PCDHGA4: variants seen among roughly 807,000 people sequenced by gnomAD.
PCDHGA4 encodes the protein protocadherin gamma-A4.
A neutral mutation model predicts 54.6 loss-of-function variants in PCDHGA4; 38 were observed. That is an observed-to-expected ratio of 0.70 (90% confidence interval 0.54 to 0.91). PCDHGA4 has a LOEUF of 0.91. PCDHGA4 is among the 40% of genes least tolerant of loss of function. The pLI, the probability that PCDHGA4 is intolerant of heterozygous loss-of-function variation, is 0.00. For missense variants in PCDHGA4, 1,298 were observed against 1,220.9 expected (o/e 1.06, Z -0.94); for synonymous variants, 511 against 512.9 (o/e 1.00, Z 0.05).
intron 1 of PCDHGA4, among the ~76,000 whole-genome samples, chr5:141,460,418 G>C (rs905215023): frequency 3.3e-5 from 5 of 152,096 alleles, no homozygotes; most frequent in Admixed American, 6.5e-5. Flanking sequence ...TGATGTTTAT[G>C]TATGGTGTAT....
intron 1 of PCDHGA4, chr5:141,372,537 C>T: frequency 1.2e-6 from 2 of 1,614,046 alleles, no homozygotes; most frequent in Non-Finnish European, 1.7e-6. Flanking sequence ...CTCCCTGCGC[C>T]TGCGATGCTC....
At chr5:141,370,718 G>T in intron 1 of PCDHGA4, 1 of 1,613,818 alleles carries the variant, frequency 6.2e-7, no homozygotes, top group Non-Finnish European at 8.5e-7. Flanking sequence ...AATTTGAAAT[G>T]GTTGCTGAAA....
At chr5:141,482,089 CAA>C (rs36035257) in intron 1 of PCDHGA4, among the ~76,000 whole-genome samples, 9,071 of 134,384 alleles carry the variant, frequency 0.068, 318 homozygotes, top group South Asian at 0.13. Context: ...CACTCCATCT[CAA>C]AAAAAAAAAA....
At position 141,422,526 on chromosome 5, in the gene PCDHGA4, G is replaced by A. The variant is rs956066609; in HGVS notation, c.2514+64905G>A. 9 of 1,613,866 alleles carry A rather than the reference G, an allele frequency of 5.6e-6. No homozygotes were observed. In the African/African-American group the frequency reaches 1.1e-4, roughly 19 times the overall value. The stretch of plus-strand genomic sequence containing the variant: ...CCACAGACCAGGGAAGCCCGCCTTT[G>A]TCTGCAGAAACTCATGTCTGGCTGA... On this transcript the variant is annotated intron_variant, in intron 1 of 3. Coordinates refer to ENST00000571252, the MANE Select transcript of PCDHGA4 (RefSeq NM_018917.4).
chr5:141,364,209 C>G, intron 1 of PCDHGA4: 1 of 1,214,680 alleles, frequency 8.2e-7, no homozygotes, highest in East Asian at 2.6e-5. Flanking sequence ...CAGACAAGCT[C>G]CTACGAAAAG....
intron 1 of PCDHGA4, chr5:141,374,248 G>A (rs1259243407): frequency 1.9e-6 from 3 of 1,613,890 alleles, no homozygotes. Context: ...TGGGACTGGA[G>A]CCCCAGGAGT....
At chr5:141,483,772 G>C (rs2099586910) in intron 1 of PCDHGA4, among the ~76,000 whole-genome samples, 1 of 152,140 alleles carries the variant, frequency 6.6e-6, no homozygotes, top group Non-Finnish European at 1.5e-5. Flanking sequence ...AAAAATATTG[G>C]GGAAGGATAA....
chr5:141,357,466 G>A lies in PCDHGA4; in HGVS notation c.2359G>A (p.Glu787Lys), dbSNP rs1760618081. Reference protein sequence around the residue: ...VRAFLQTYSHEVSLTADSRKS... With the variant: ...VRAFLQTYSHKVSLTADSRKS... ...GGCTTTCCTGCAGACCTATTCCCAC[G>A]AGGTCTCCCTCACCGCGGACTCGCG... is the stretch of plus-strand genomic sequence containing the variant. The change falls in exon 1 of 4, where the codon GAG (glutamate) becomes AAG (lysine). Residue 787 changes from glutamate to lysine, a missense_variant. Coordinates refer to ENST00000571252, the MANE Select transcript of PCDHGA4 (RefSeq NM_018917.4). 4 of 1,614,180 alleles carry A rather than the reference G, an allele frequency of 2.5e-6. No individual in the cohort carries two copies. Among genetic ancestry groups the A allele is most frequent in the Non-Finnish European group, 3.4e-6 (4 of 1,180,040 alleles).
chr5:141,494,921 A>C (rs1345734925), intron 2 of PCDHGA4, 56 bp downstream of exon 2: 6 of 1,613,556 alleles, frequency 3.7e-6, no homozygotes, highest in Non-Finnish European at 5.1e-6. Flanking sequence ...CTCAGGGATG[A>C]CGTGGGAGGA....
At chr5:141,495,923 T>G (rs1337381299) in intron 2 of PCDHGA4, among the ~76,000 whole-genome samples, 4 of 152,306 alleles carry the variant, frequency 2.6e-5, no homozygotes, top group South Asian at 2.1e-4. Context: ...TTTCTTTGTC[T>G]CTGTCTCTGG....
intron 1 of PCDHGA4, chr5:141,362,108 C>G (rs1317907295): frequency 6.2e-7 from 1 of 1,613,854 alleles, no homozygotes; most frequent in Admixed American, 1.7e-5. Context: ...TCCGCTACGG[C>G]CACGCTGCAC....
Position 141,431,615 on chromosome 5 carries a change from G to A in PCDHGA4, c.2515-63192G>A. 1.2e-6 allele frequency: 2 copies of A among 1,614,236 alleles called. No homozygotes were observed. Among genetic ancestry groups the A allele is most frequent in the Non-Finnish European group, 1.7e-6 (2 of 1,180,042 alleles). ...GAGGTATTCCTTCCGGTATGTGGACGACAAGGCGGCCCAAGTTTTCAAACT... is the reference window on the plus strand; with the variant it reads ...GAGGTATTCCTTCCGGTATGTGGACAACAAGGCGGCCCAAGTTTTCAAACT... On this transcript the variant is annotated intron_variant, in intron 1 of 3. Coordinates refer to ENST00000571252, the MANE Select transcript of PCDHGA4 (RefSeq NM_018917.4). The surrounding 1 kb of genome is among the most constrained non-coding windows in gnomAD (Gnocchi z 4.8).
intron 1 of PCDHGA4, among the ~76,000 whole-genome samples, chr5:141,465,368 A>C (rs940928815): frequency 1.3e-5 from 2 of 152,114 alleles, no homozygotes; most frequent in Admixed American, 6.6e-5. Flanking sequence ...TGCCCTTTAA[A>C]GTTGTAAGAT....
chr5:141,407,089 TTTTA>T (rs2094885755), intron 1 of PCDHGA4, among the ~76,000 whole-genome samples: 2 of 152,196 alleles, frequency 1.3e-5, no homozygotes, highest in South Asian at 4.1e-4. Flanking sequence ...TGAAGAATTG[TTTTA>T]TTTGTTTGTA....
At chr5:141,409,988 GC>G in intron 1 of PCDHGA4, 1 of 1,613,278 alleles carries the variant, frequency 6.2e-7, no homozygotes, top group Non-Finnish European at 8.5e-7. Flanking sequence ...AGCGGTGGAC[GC>G]CGACTCGGGA....
rs2099668037 is a variant in PCDHGA4 at position 141,487,853 on chromosome 5, T to C, written c.2515-6954T>C. The C allele has an allele frequency of 1.0e-6, 1 of 984,708 alleles. No individual in the cohort carries two copies. The allele number at this position is 984,708 out of a possible 1,614,324, so 61.0% of individuals were successfully genotyped here. The stretch of plus-strand genomic sequence containing the variant: ...CCTATATCTGAGTAAGAAATGAAAG[T>C]AATTGGTGATCAAGAGCCAGGCTGT... On this transcript the variant is annotated intron_variant, in intron 1 of 3. Transcript: ENST00000571252. The surrounding 1 kb of genome is among the most constrained non-coding windows in gnomAD (Gnocchi z 5.0).
intron 1 of PCDHGA4, chr5:141,420,925 G>A: frequency 2.8e-6 from 1 of 355,536 alleles, no homozygotes; most frequent in Non-Finnish European, 5.1e-6. Context: ...TCACAAAGGT[G>A]AGCGTAATCA....
chr5:141,389,157 C>T lies in PCDHGA4; in HGVS notation c.2514+31536C>T, dbSNP rs192156139. The T allele has an allele frequency of 2.5e-6, 4 of 1,613,976 alleles. No homozygotes were observed. The East Asian group carries it at 6.7e-5, about 27-fold the overall frequency. ...CAATATAACCGTTACGGCAACAGAT[C>T]GGGGCAAGCCTCCCCTCTCCTCCAG... is the stretch of plus-strand genomic sequence containing the variant. On this transcript the variant is annotated intron_variant, in intron 1 of 3. Coordinates refer to ENST00000571252, the MANE Select transcript of PCDHGA4 (RefSeq NM_018917.4).
chr5:141,432,659 G>A lies in PCDHGA4; in HGVS notation c.2515-62148G>A. On this transcript the variant is annotated intron_variant, in intron 1 of 3. Coordinates refer to ENST00000571252, the MANE Select transcript of PCDHGA4 (RefSeq NM_018917.4). This position sits in a 1 kb window ranked among gnomAD's most constrained non-coding sequence, Gnocchi z 6.0. ...GGTGCGCACGGCGCGAGCCCTGCTG[G>A]ACAGAGACGCGCTCAAGCAGAGCCT... 1 of 1,613,884 alleles carries A rather than the reference G, an allele frequency of 6.2e-7. No homozygotes were observed. The highest frequency in any genetic ancestry group is 8.5e-7 in the Non-Finnish European group (1 of 1,179,956).
Sources: gnomAD v4.1 joint callset for allele counts (sites outside exome capture counted in the v4.1 genomes callset) on GRCh38, gnomAD v4.1.1 for gene constraint, Gnocchi (gnomAD v3.1) non-coding constraint, MANE v1.5 for transcripts, NCBI Gene and HGNC (gene_info 2026-07-23, HGNC 2026-07-21) for gene names.